TUSC3: variants seen among roughly 807,000 people sequenced by gnomAD.
TUSC3 encodes dolichyl-diphosphooligosaccharide--protein glycosyltransferase subunit TUSC3.
Under a neutral mutation model 44.8 loss-of-function variants are expected in TUSC3, and 45 were observed. That is an observed-to-expected ratio of 1.00 (90% confidence interval 0.79 to 1.29). The LOEUF (loss-of-function observed/expected upper bound fraction) is 1.29, where lower values mean the gene tolerates loss of function less well. Among genes scored for constraint, TUSC3 ranks in the 50% most tolerant of loss-of-function variants. The pLI is 0.00. For synonymous variants in TUSC3, 212 were observed against 152.9 expected (o/e 1.39, Z -2.85); for missense variants, 519 against 437.9 (o/e 1.19, Z -1.65).
rs1034375097 is a variant in TUSC3, at chr8:15,578,748, T to G, written c.138+38180T>G. Among the ~76,000 whole-genome samples, 70 of 152,240 alleles carry G rather than the reference T, an allele frequency of 4.6e-4. 1 individual carries two copies. In the South Asian group the frequency reaches 0.013, roughly 28 times the overall value. ...TTTATTGAGGATTTTTGCATCAATG[T>G]TCATCAAGGATATTGGTCTAAAATT... On this transcript the variant is annotated intron_variant, in intron 1 of 10. Coordinates refer to ENST00000503731, the MANE Select transcript of TUSC3 (RefSeq NM_006765.4).
At chr8:15,470,885 T>C (rs917126149) in intron 1 of TUSC3, among the ~76,000 whole-genome samples, 1 of 152,062 alleles carries the variant, frequency 6.6e-6, no homozygotes, top group African/African-American at 2.4e-5. Flanking sequence ...CCAGGGCTGG[T>C]TCCTGCCTTG....
chr8:15,507,933 C>T (rs1161402167), intron 2 of TUSC3, among the ~76,000 whole-genome samples: 1 of 152,066 alleles, frequency 6.6e-6, no homozygotes, highest in African/African-American at 2.4e-5. Flanking sequence ...GCCAAAATAA[C>T]GAAAGATGAG....
intron 1 of TUSC3, among the ~76,000 whole-genome samples, chr8:15,592,327 G>A (rs934910198): frequency 6.6e-6 from 1 of 152,140 alleles, no homozygotes; most frequent in Non-Finnish European, 1.5e-5. Context: ...AGCTTTTTCT[G>A]TGTGAATAGC....
chr8:15,420,240 T>C (rs1446930989), intron 1 of TUSC3, among the ~76,000 whole-genome samples: 1 of 152,072 alleles, frequency 6.6e-6, no homozygotes, highest in African/African-American at 2.4e-5. Flanking sequence ...TTCATGCCTG[T>C]AATCCCAGCA....
chr8:15,768,993 G>A (rs2721232), downstream of TUSC3, among the ~76,000 whole-genome samples: 93,198 of 151,974 alleles, frequency 0.61, 29,579 homozygotes, highest in African/African-American at 0.76. Flanking sequence ...GAAAATGGCC[G>A]TACCGCCAAA....
chr8:15,435,023 T>C (rs1223267428), intron 1 of TUSC3, among the ~76,000 whole-genome samples: 3 of 148,120 alleles, frequency 2.0e-5, no homozygotes, highest in Non-Finnish European at 4.4e-5. Context: ...TATAGCAGCA[T>C]GATTTATAAT....
chr8:15,653,739 GCTTCA>G (rs1401357580), intron 3 of TUSC3, among the ~76,000 whole-genome samples: 1 of 152,136 alleles, frequency 6.6e-6, no homozygotes, highest in Non-Finnish European at 1.5e-5. Flanking sequence ...TATATGTTTT[GCTTCA>G]CTTGAGAAAC....
chr8:15,524,055 T>TAA (rs1801340335), intron 2 of TUSC3, among the ~76,000 whole-genome samples: 7 of 68,192 alleles, frequency 1.0e-4, no homozygotes, highest in Non-Finnish European at 1.9e-4. Context: ...TGACTCCGTC[T>TAA]CAAAAAAAAA....
chr8:15,791,471 T>C, the TUSC3 span, among the ~76,000 whole-genome samples: 1 of 152,172 alleles, frequency 6.6e-6, no homozygotes, highest in Admixed American at 6.5e-5. Context: ...TTACATTGCA[T>C]TGTAAACTGG....
intron 1 of TUSC3, among the ~76,000 whole-genome samples, chr8:15,621,862 C>G (rs888707101): frequency 2.0e-5 from 3 of 151,586 alleles, no homozygotes; most frequent in Non-Finnish European, 4.4e-5. Context: ...AATGTTCTCT[C>G]TCTGCAGGTT....
chr8:15,448,462 A>G (rs1800141675), intron 1 of TUSC3, among the ~76,000 whole-genome samples: 1 of 152,146 alleles, frequency 6.6e-6, no homozygotes, highest in African/African-American at 2.4e-5. Context: ...TGCATGTATC[A>G]GCATAACTTT....
chr8:15,696,815 T>C (rs1051149672), intron 6 of TUSC3, among the ~76,000 whole-genome samples: 6 of 152,200 alleles, frequency 3.9e-5, no homozygotes, highest in African/African-American at 1.2e-4. Flanking sequence ...ATGGAATGAT[T>C]TAGGGAGGGT....
chr8:15,588,092 G>C (rs1362508774), intron 1 of TUSC3, among the ~76,000 whole-genome samples: 3 of 152,074 alleles, frequency 2.0e-5, no homozygotes, highest in Non-Finnish European at 4.4e-5. Flanking sequence ...GGGATTGATT[G>C]CTGGATCATT....
chr8:15,626,012 G>T (rs1305409628), intron 2 of TUSC3, among the ~76,000 whole-genome samples: 1 of 152,198 alleles, frequency 6.6e-6, no homozygotes, highest in African/African-American at 2.4e-5. Flanking sequence ...AGAGGCCACT[G>T]CTATAGTTCC....
intron 2 of TUSC3, among the ~76,000 whole-genome samples, chr8:15,646,103 G>T (rs1806617129): frequency 6.6e-6 from 1 of 152,134 alleles, no homozygotes; most frequent in African/African-American, 2.4e-5. Context: ...CACAGTCGCT[G>T]AGAATTTCTG....
chr8:15,558,469 T>C, intron 1 of TUSC3, among the ~76,000 whole-genome samples: 1 of 64,294 alleles, frequency 1.6e-5, no homozygotes, highest in African/African-American at 5.1e-5. Context: ...AAAATTCTCT[T>C]TTTTTGTTGT....
chr8:15,686,804 C>G (rs1209606654), intron 6 of TUSC3, among the ~76,000 whole-genome samples: 3 of 151,932 alleles, frequency 2.0e-5, no homozygotes, highest in Non-Finnish European at 1.5e-5. Context: ...CGTGGTGGCT[C>G]AAGCCTGTAA....
At chr8:15,699,288 A>G (rs1424485839) in intron 6 of TUSC3, among the ~76,000 whole-genome samples, 2 of 152,262 alleles carry the variant, frequency 1.3e-5, no homozygotes, top group East Asian at 3.9e-4. Context: ...TAATAAAGGC[A>G]TTCTCATTTT....
chr8:15,549,452 G>A lies in TUSC3; in HGVS notation c.138+8884G>A, dbSNP rs954404295. 4.6e-5 allele frequency among the ~76,000 whole-genome samples: 7 copies of A among 151,742 alleles called. 1 individual carries two copies. In the East Asian group the frequency reaches 9.7e-4, roughly 21 times the overall value. ...CTCCCAAAGTGCTGGGATTACAGGCGTGAGCCACCATGCTCGGCCTAATGT... is the reference window on the plus strand; with the variant it reads ...CTCCCAAAGTGCTGGGATTACAGGCATGAGCCACCATGCTCGGCCTAATGT... On this transcript the variant is annotated intron_variant, in intron 1 of 10. Transcript: ENST00000503731.
Sources: gnomAD v4.1 joint callset for allele counts (sites outside exome capture counted in the v4.1 genomes callset) on GRCh38, gnomAD v4.1.1 for gene constraint, MANE v1.5 for transcripts, NCBI Gene and HGNC (gene_info 2026-07-23, HGNC 2026-07-21) for gene names.